The following COX7B2 variants were observed in gnomAD, a reference collection of about 807,000 sequenced individuals.
COX7B2 encodes the protein cytochrome c oxidase subunit 7B2, mitochondrial.
For synonymous variants in COX7B2, 37 were observed against 32.1 expected (o/e 1.15, Z -0.51); for missense variants, 109 against 95.9 (o/e 1.14, Z -0.57).
At chr4:46,854,092 T>C (rs992191507) in intron 1 of COX7B2, among the ~76,000 whole-genome samples, 1 of 152,172 alleles carries the variant, frequency 6.6e-6, no homozygotes, top group Non-Finnish European at 1.5e-5. Flanking sequence ...AGACTACTTG[T>C]TGATTTTCCA....
rs1254050886 is a variant in COX7B2, at chr4:46,749,947, A to C, written c.-49-14706T>G. Reference sequence around the variant, plus strand: ...ACCAAACCGGATGCTCCTACCATTAAAGGAATACCATTGGCTTTATTTTAA... The same window carrying C: ...ACCAAACCGGATGCTCCTACCATTACAGGAATACCATTGGCTTTATTTTAA... On this transcript the variant is annotated intron_variant, in intron 2 of 2. Coordinates refer to ENST00000355591, the MANE Select transcript of COX7B2 (RefSeq NM_130902.3). 3.3e-5 allele frequency among the ~76,000 whole-genome samples: 5 copies of C among 152,312 alleles called. No homozygotes were observed. In the East Asian group the frequency reaches 9.6e-4, roughly 29 times the overall value.
intron 1 of COX7B2, among the ~76,000 whole-genome samples, chr4:46,850,281 T>G (rs1271036652): frequency 4.0e-5 from 6 of 151,828 alleles, no homozygotes; most frequent in Admixed American, 1.3e-4. Context: ...AAAATAATGA[T>G]TTAAAAATGA....
At chr4:46,784,624 A>C (rs959509386) in intron 2 of COX7B2, among the ~76,000 whole-genome samples, 2 of 152,160 alleles carry the variant, frequency 1.3e-5, no homozygotes, top group African/African-American at 2.4e-5. Context: ...GACTGTCTCA[A>C]AAAAAAGACT....
chr4:46,782,280 A>G (rs1349333411), intron 2 of COX7B2, among the ~76,000 whole-genome samples: 1 of 152,100 alleles, frequency 6.6e-6, no homozygotes, highest in Non-Finnish European at 1.5e-5. Flanking sequence ...ATGTCTAGCC[A>G]GAGGATTGTA....
At chr4:46,742,112 G>A (rs921166060) in intron 2 of COX7B2, among the ~76,000 whole-genome samples, 1 of 152,004 alleles carries the variant, frequency 6.6e-6, no homozygotes, top group Non-Finnish European at 1.5e-5. Context: ...AGAGTTATAG[G>A]GACCCCCTGG....
At chr4:46,855,910 G>A (rs141439551) in intron 1 of COX7B2, among the ~76,000 whole-genome samples, 1 of 152,194 alleles carries the variant, frequency 6.6e-6, no homozygotes, top group East Asian at 1.9e-4. Context: ...ACTGAAATAA[G>A]TCTGGTTTTC....
intron 2 of COX7B2, among the ~76,000 whole-genome samples, chr4:46,776,517 A>C (rs957358231): frequency 2.0e-5 from 3 of 151,978 alleles, no homozygotes; most frequent in Non-Finnish European, 4.4e-5. Context: ...GCACTGTTGT[A>C]ATAAACTCAG....
intron 2 of COX7B2, among the ~76,000 whole-genome samples, chr4:46,765,072 A>C (rs1418542718): frequency 1.3e-5 from 2 of 152,010 alleles, no homozygotes; most frequent in African/African-American, 4.8e-5. Flanking sequence ...GAAGTGCAGA[A>C]GTGATGTCAA....
chr4:46,902,507 T>C (rs1720131477), intron 1 of COX7B2, among the ~76,000 whole-genome samples: 3 of 152,248 alleles, frequency 2.0e-5, no homozygotes, highest in South Asian at 4.1e-4. Context: ...ATCAGCAATC[T>C]ATCAAGACAT....
rs1167250423 is a variant in COX7B2 at position 46,884,177 on chromosome 4, T to TG, written c.-105+24982_-105+24983insC. ...ATCTAATTATGTGTGAGGGGGCCAG[T>TG]TGGGGGGTGGTGGTGGTGTTTGTTT... On this transcript the variant is annotated intron_variant, in intron 1 of 2. Transcript: ENST00000355591. 4.6e-4 allele frequency among the ~76,000 whole-genome samples: 48 copies of TG among 104,544 alleles called. 1 individual carries two copies. In the East Asian group the frequency reaches 5.3e-3, roughly 12 times the overall value. The allele number at this position is 104,544 out of a possible 152,430, so 68.6% of individuals were successfully genotyped here. A position where few individuals can be genotyped will look rare whatever the true frequency, so the allele number is the denominator to read the frequency against.
At chr4:46,772,610 A>C (rs1716938319) in intron 2 of COX7B2, among the ~76,000 whole-genome samples, 1 of 152,178 alleles carries the variant, frequency 6.6e-6, no homozygotes, top group East Asian at 1.9e-4. Context: ...GAAGGAGGAA[A>C]AAAGAAAGAA....
intron 2 of COX7B2, among the ~76,000 whole-genome samples, chr4:46,843,430 T>C (rs1444776222): frequency 6.6e-6 from 1 of 152,034 alleles, no homozygotes; most frequent in Non-Finnish European, 1.5e-5. Context: ...GAGAGAGTCA[T>C]CAACTTGTCC....
chr4:46,781,940 C>G lies in COX7B2; in HGVS notation c.-49-46699G>C, dbSNP rs572789583. The stretch of plus-strand genomic sequence containing the variant: ...CAGCCCTCCATGCTCAAGCACCCCC[C>G]ATCCCGCCCGGAGGGCTCCTGTGCA... On this transcript the variant is annotated intron_variant, in intron 2 of 2. Coordinates refer to ENST00000355591, the MANE Select transcript of COX7B2 (RefSeq NM_130902.3). Among the ~76,000 whole-genome samples, 890 of 152,344 alleles carry G rather than the reference C, an allele frequency of 5.8e-3. 6 individuals carry two copies. Among genetic ancestry groups the G allele is most frequent in the Non-Finnish European group, 9.3e-3 (636 of 68,032 alleles).
At chr4:46,789,601 T>G (rs1717930459) in intron 2 of COX7B2, among the ~76,000 whole-genome samples, 2 of 152,146 alleles carry the variant, frequency 1.3e-5, no homozygotes, top group African/African-American at 4.8e-5. Flanking sequence ...TAAAATGGAA[T>G]AGAGATATAC....
At chr4:46,831,224 G>A (rs113590085) in intron 2 of COX7B2, among the ~76,000 whole-genome samples, 5 of 152,076 alleles carry the variant, frequency 3.3e-5, no homozygotes, top group African/African-American at 9.7e-5. Context: ...CAGCAGTGCC[G>A]GCCCACCAAC....
At chr4:46,761,828 G>A (rs12511916) in intron 2 of COX7B2, among the ~76,000 whole-genome samples, 24,457 of 151,688 alleles carry the variant, frequency 0.16, 2,150 homozygotes, top group South Asian at 0.35. Context: ...AGAAGGTGCC[G>A]AGATGAGTGA....
chr4:46,891,486 G>A lies in COX7B2; in HGVS notation c.-105+17674C>T, dbSNP rs114894577. The stretch of plus-strand genomic sequence containing the variant: ...CAAGGAGGGAAAGTAGTAAGAGAAC[G>A]ATGTCCCAAAAGTCAACTGAAAAAA... On this transcript the variant is annotated intron_variant, in intron 1 of 2. Transcript: ENST00000355591. Among the ~76,000 whole-genome samples the A allele has an allele frequency of 8.4e-3, 1,283 of 152,254 alleles. 14 individuals are homozygous for A. The highest frequency in any genetic ancestry group is 0.029 in the African/African-American group (1,208 of 41,548).
At chr4:46,859,768 T>C (rs2109797649) in intron 1 of COX7B2, among the ~76,000 whole-genome samples, 1 of 152,312 alleles carries the variant, frequency 6.6e-6, no homozygotes, top group East Asian at 1.9e-4. Context: ...GCCATGATAG[T>C]TTACAAATGC....
At chr4:46,890,948 A>T (rs1427523694) in intron 1 of COX7B2, among the ~76,000 whole-genome samples, 1 of 152,204 alleles carries the variant, frequency 6.6e-6, no homozygotes, top group Non-Finnish European at 1.5e-5. Context: ...GGCAAGACGA[A>T]ATGCAAGGGG....
Sources: allele counts gnomAD v4.1 joint callset (sites outside exome capture counted in the v4.1 genomes callset), GRCh38; gene constraint gnomAD v4.1.1; transcripts MANE v1.5; gene names NCBI Gene and HGNC (gene_info 2026-07-23, HGNC 2026-07-21).